TOM1L2: variants seen among roughly 807,000 people sequenced by gnomAD.
TOM1L2 encodes TOM1-like protein 2.
A neutral mutation model predicts 67.9 loss-of-function variants in TOM1L2; 31 were observed. The observed-to-expected ratio is 0.46, with a 90% CI of 0.34 to 0.62. TOM1L2 has a LOEUF of 0.62. Ranked by LOEUF, TOM1L2 falls within the 20% of genes least tolerant of loss-of-function variation. The probability of loss-of-function intolerance (pLI) is 0.01; values close to 1 mark genes in which losing one functional copy is unlikely to be tolerated. For synonymous variants in TOM1L2, 256 were observed against 254.0 expected, an observed-to-expected ratio of 1.01 and a Z score of -0.07; for missense variants, 606 against 663.5, an observed-to-expected ratio of 0.91 and a Z score of 0.95.
At chr17:17,875,276 A>AG (rs1188996060) in intron 7 of TOM1L2, among the ~76,000 whole-genome samples, 3 of 152,004 alleles carry the variant, frequency 2.0e-5, no homozygotes, top group East Asian at 1.9e-4. Context: ...AAAGAAAAAA[A>AG]AAAAAAAAGG....
chr17:17,896,418 C>A (rs1260462302), intron 3 of TOM1L2, among the ~76,000 whole-genome samples: 1 of 152,160 alleles, frequency 6.6e-6, no homozygotes, highest in African/African-American at 2.4e-5. Context: ...GCAACAGTGG[C>A]AGGAACCACT....
At chr17:17,923,973 T>A (rs1412018382) in intron 1 of TOM1L2, among the ~76,000 whole-genome samples, 2 of 151,344 alleles carry the variant, frequency 1.3e-5, no homozygotes, top group Non-Finnish European at 2.9e-5. Flanking sequence ...CCGTCTCCAC[T>A]AAAAAAATAC....
intron 1 of TOM1L2, among the ~76,000 whole-genome samples, chr17:17,927,213 G>A (rs748340121): frequency 6.6e-6 from 1 of 152,228 alleles, no homozygotes; most frequent in Non-Finnish European, 1.5e-5. Context: ...ATTCTTCAAT[G>A]GGGGTGGAGT....
intron 2 of TOM1L2, among the ~76,000 whole-genome samples, chr17:17,906,020 T>C (rs1284836021): frequency 6.6e-6 from 1 of 152,114 alleles, no homozygotes; most frequent in East Asian, 1.9e-4. Flanking sequence ...CCATGAGCCT[T>C]GACAGTTCTT....
chr17:17,911,336 C>T (rs1243322313), intron 1 of TOM1L2, among the ~76,000 whole-genome samples: 1 of 152,238 alleles, frequency 6.6e-6, no homozygotes, highest in Non-Finnish European at 1.5e-5. Flanking sequence ...CTGGCCTACC[C>T]TACCCAGCCT....
intron 1 of TOM1L2, among the ~76,000 whole-genome samples, chr17:17,910,289 T>C (rs1013412807): frequency 6.6e-6 from 1 of 152,148 alleles, no homozygotes; most frequent in Non-Finnish European, 1.5e-5. Flanking sequence ...GTCACTTGAC[T>C]CCCTTCCCCC....
chr17:17,872,880 A>G (rs1300903777), intron 7 of TOM1L2, among the ~76,000 whole-genome samples: 1 of 152,244 alleles, frequency 6.6e-6, no homozygotes, highest in Non-Finnish European at 1.5e-5. Flanking sequence ...AAAAAAGTCA[A>G]TCACTTCTCA....
At chr17:17,870,938 CAG>C in intron 7 of TOM1L2, among the ~76,000 whole-genome samples, 1 of 152,234 alleles carries the variant, frequency 6.6e-6, no homozygotes, top group Non-Finnish European at 1.5e-5. Context: ...AGCACTCACA[CAG>C]GGGCTGGGCT....
At chr17:17,944,506 A>G (rs181114038) in intron 1 of TOM1L2, among the ~76,000 whole-genome samples, 322 of 152,356 alleles carry the variant, frequency 2.1e-3, no homozygotes, top group Non-Finnish European at 3.7e-3. Context: ...CCGTGGGATC[A>G]GAGATTTGGT....
intron 1 of TOM1L2, among the ~76,000 whole-genome samples, chr17:17,959,710 G>A (rs1034882536): frequency 6.6e-6 from 1 of 152,156 alleles, no homozygotes; most frequent in African/African-American, 2.4e-5. Context: ...ACAGGACCCA[G>A]TTCTTGTCCC....
At chr17:17,971,716 G>A (rs1334419875) in intron 1 of TOM1L2, among the ~76,000 whole-genome samples, 1 of 152,256 alleles carries the variant, frequency 6.6e-6, no homozygotes, top group Non-Finnish European at 1.5e-5. Flanking sequence ...CTCCCAAAGC[G>A]CATTGGGGAA....
chr17:17,894,934 AACATACATACATACATACAT>A (rs200969782), intron 3 of TOM1L2, among the ~76,000 whole-genome samples: 4 of 143,704 alleles, frequency 2.8e-5, no homozygotes, highest in South Asian at 2.2e-4. Flanking sequence ...CTGTCTCAAA[AACATACATACATACATACAT>A]ACATACATAC....
chr17:17,929,319 G>C (rs183954004), intron 1 of TOM1L2, among the ~76,000 whole-genome samples: 1 of 152,316 alleles, frequency 6.6e-6, no homozygotes, highest in Non-Finnish European at 1.5e-5. Flanking sequence ...CTTTGGGTGG[G>C]TGAGAGGGGT....
intron 1 of TOM1L2, among the ~76,000 whole-genome samples, chr17:17,961,138 AAAG>A (rs1210109847): frequency 1.3e-5 from 2 of 152,230 alleles, no homozygotes; most frequent in Non-Finnish European, 2.9e-5. Context: ...ACATTTCTCC[AAAG>A]AAGACATACA....
At chr17:17,868,052 CATATT>C in intron 8 of TOM1L2, among the ~76,000 whole-genome samples, 1 of 152,174 alleles carries the variant, frequency 6.6e-6, no homozygotes. Flanking sequence ...TGAAAATACT[CATATT>C]AGTTAGCTCC....
intron 1 of TOM1L2, among the ~76,000 whole-genome samples, chr17:17,947,556 C>T (rs1003797040): frequency 7.9e-5 from 12 of 152,192 alleles, no homozygotes; most frequent in African/African-American, 2.7e-4. Flanking sequence ...CGGAAAGAGG[C>T]TTCTGAAGAA....
rs572161629 is a variant in TOM1L2 at position 17,915,363 on chromosome 17, C to T, written c.53-7832G>A. On this transcript the variant is annotated intron_variant, in intron 1 of 14. Transcript: ENST00000379504. ...GTACCACCAATTCAATGATGGGATC[C>T]TGGCTTACCAGGTGTGAAGTGGTAT... Among the ~76,000 whole-genome samples the T allele has an allele frequency of 2.6e-5, 4 of 152,308 alleles. No individual in the cohort carries two copies. The South Asian group carries it at 8.3e-4, about 32-fold the overall frequency.
intron 1 of TOM1L2, among the ~76,000 whole-genome samples, chr17:17,946,945 G>A (rs747378720): frequency 6.6e-6 from 1 of 152,124 alleles, no homozygotes; most frequent in African/African-American, 2.4e-5. Context: ...GGCTGGTCTC[G>A]AGCTCCTGAC....
intron 1 of TOM1L2, among the ~76,000 whole-genome samples, chr17:17,942,585 A>G (rs2040778831): frequency 6.6e-6 from 1 of 152,190 alleles, no homozygotes; most frequent in African/African-American, 2.4e-5. Context: ...TTAAATCTCA[A>G]AACAACCCTA....
Sources: allele counts gnomAD v4.1 joint callset (sites outside exome capture counted in the v4.1 genomes callset), GRCh38; gene constraint gnomAD v4.1.1; transcripts MANE v1.5; gene names NCBI Gene and HGNC (gene_info 2026-07-23, HGNC 2026-07-21).